The following DEAF1 variants were observed in gnomAD, a reference collection of about 807,000 sequenced individuals.
DEAF1 encodes the protein deformed epidermal autoregulatory factor 1 homolog.
DEAF1 carries 53 observed loss-of-function variants against 58.9 expected under a neutral mutation model. The ratio of observed to expected loss-of-function variants is 0.90; its 90% CI spans 0.72 to 1.13. DEAF1 has a LOEUF of 1.13. DEAF1 is among the 50% of genes most tolerant of loss of function. DEAF1 has a pLI of 0.00. For synonymous variants in DEAF1, 385 were observed against 340.4 expected (o/e 1.13, Z -1.44); for missense variants, 685 against 791.4 (o/e 0.87, Z 1.61).
intron 10 of DEAF1, among the ~76,000 whole-genome samples, chr11:656,340 G>A (rs1859054453): frequency 6.6e-6 from 1 of 151,772 alleles, no homozygotes; most frequent in Non-Finnish European, 1.5e-5. Flanking sequence ...ATTTTTAGTA[G>A]AGACGGGGTT....
chr11:679,137 G>A (rs961296068), intron 8 of DEAF1, among the ~76,000 whole-genome samples: 2 of 151,908 alleles, frequency 1.3e-5, no homozygotes, highest in Admixed American at 6.6e-5. Flanking sequence ...ATGGTGAAAC[G>A]CTGTCTCTAC....
chr11:705,840 C>G (rs1029399288), intron 1 of DEAF1, among the ~76,000 whole-genome samples: 6 of 152,218 alleles, frequency 3.9e-5, no homozygotes, highest in African/African-American at 1.2e-4. Context: ...TCCCCCGTCC[C>G]CCGGCCTGCT....
At chr11:691,635 A>T in intron 1 of DEAF1, 37 bp from the exon 2 acceptor site, 1 of 1,597,936 alleles carries the variant, frequency 6.3e-7, no homozygotes, top group East Asian at 2.2e-5. Flanking sequence ...AAGCAACAAA[A>T]GCCAGAATGG....
intron 9 of DEAF1, among the ~76,000 whole-genome samples, 187 bp from the exon 10 acceptor site, chr11:674,970 G>A (rs942992363): frequency 3.3e-5 from 5 of 151,928 alleles, no homozygotes; most frequent in Admixed American, 6.6e-5. Flanking sequence ...GTGAAACCCC[G>A]CGTTTCACTG....
At chr11:666,229 A>G (rs989656907) in intron 10 of DEAF1, 1 of 152,234 alleles carries the variant, frequency 6.6e-6, no homozygotes, top group Non-Finnish European at 1.5e-5. Context: ...GGTGATCCAT[A>G]AGAATTCAGC....
In DEAF1 at chr11:682,164, G is replaced by A. The variant is rs372102684; in HGVS notation, c.871-1075C>T. ...AATCACCTTTGGTGGTGGGAGTTTT[G>A]GCTGTCGCTCTTCCTGATCTCTGTT... is the stretch of plus-strand genomic sequence containing the variant. On this transcript the variant is annotated intron_variant, in intron 6 of 11. Coordinates refer to ENST00000382409, the MANE Select transcript of DEAF1 (RefSeq NM_021008.4). Among the ~76,000 whole-genome samples the A allele has an allele frequency of 5.2e-4, 79 of 152,256 alleles. 1 individual carries two copies. In the South Asian group the frequency reaches 0.016, roughly 32 times the overall value.
In DEAF1 at chr11:681,021, G is replaced by T. The variant is rs377002477; in HGVS notation, c.939C>A (p.Pro313=). Residue 313 remains proline, a synonymous_variant, in exon 7 of 12, where the codon CCC becomes CCA. Coordinates refer to ENST00000382409, the MANE Select transcript of DEAF1 (RefSeq NM_021008.4). ...RKKENELPTT[P]VKKDSPKNIT... ...TGTTCTTGGGGGAGTCCTTCTTCAC[G>T]GGAGTTGTGGGCAGTTCATTCTCCT... 6.2e-7 allele frequency: 1 copy of T among 1,614,016 alleles called. No individual in the cohort carries two copies. The highest frequency in any genetic ancestry group is 8.5e-7 in the Non-Finnish European group (1 of 1,180,028).
At chr11:678,950 CCT>C in intron 8 of DEAF1, 128 bp from the exon 9 acceptor site, 1 of 1,244,714 alleles carries the variant, frequency 8.0e-7, no homozygotes, top group Non-Finnish European at 1.1e-6. Context: ...CTACTGAGCC[CCT>C]GAAATGTGGT....
intron 1 of DEAF1, chr11:704,520 A>T: frequency 7.8e-7 from 1 of 1,289,356 alleles, no homozygotes; most frequent in Non-Finnish European, 1.0e-6. Context: ...CACCTCCCTC[A>T]CCAGCGCCTG....
chr11:694,869 G>C lies in DEAF1; in HGVS notation c.179C>G (p.Thr60Arg). ...EDADSEAERE[T>R]PRVTAVAVMA... is the part of the protein sequence containing the mutation. Reference sequence around the variant, plus strand: ...CACCGCCACTGCCGTGACCCGCGGCGTCTCCCGCTCCGCCTCCGAGTCTGC... The same window carrying C: ...CACCGCCACTGCCGTGACCCGCGGCCTCTCCCGCTCCGCCTCCGAGTCTGC... Residue 60 changes from threonine to arginine, a missense_variant, in exon 1 of 12, where the codon ACG becomes AGG. By Grantham distance (71) the Thr-to-Arg change is moderately conservative (BLOSUM62 -1). Around this residue, in one of 3 missense-constraint regions of DEAF1, gnomAD observed 210 missense variants for 177.3 expected, o/e 1.18. Coordinates refer to ENST00000382409, the MANE Select transcript of DEAF1 (RefSeq NM_021008.4). The C allele has an allele frequency of 2.7e-6, 4 of 1,500,726 alleles. No homozygotes were observed. Among genetic ancestry groups the C allele is most frequent in the East Asian group, 2.8e-5 (1 of 35,682 alleles). 93.0% of individuals were successfully genotyped at this position (1,500,726 alleles called of 1,614,324 possible). A position where few individuals can be genotyped will look rare whatever the true frequency, so the allele number is the denominator to read the frequency against.
chr11:700,987 A>G (rs976602056), intron 1 of DEAF1: 86 of 415,596 alleles, frequency 2.1e-4, no homozygotes, highest in South Asian at 2.0e-3. Context: ...AGATCAGAAA[A>G]GCCCAGCCCA....
In DEAF1 at chr11:687,938, T is replaced by A; in HGVS notation, c.637A>T (p.Thr213Ser). Residue 213 changes from threonine (T) to serine (S), a missense_variant, in exon 4 of 12, where the codon ACT becomes TCT. Transcript: ENST00000382409. ...GAGCCGAGCCTGTTCTTGTACAGAG[T>A]GCCGCTGATGTTCCGGCACCGTACG... ...LPVRCRNISG[T>S]LYKNRLGSGG... 6.2e-7 allele frequency: 1 copy of A among 1,613,998 alleles called. No homozygotes were observed. The highest frequency in any genetic ancestry group is 8.5e-7 in the Non-Finnish European group (1 of 1,179,986).
At chr11:651,917 A>G (rs978173099) in intron 11 of DEAF1, among the ~76,000 whole-genome samples, 1 of 152,218 alleles carries the variant, frequency 6.6e-6, no homozygotes, top group South Asian at 2.1e-4. Context: ...ATAATTCAAC[A>G]GTAATAGCTG....
At chr11:650,676 GGC>G (rs922675977) in intron 11 of DEAF1, among the ~76,000 whole-genome samples, 1 of 151,944 alleles carries the variant, frequency 6.6e-6, no homozygotes, top group Non-Finnish European at 1.5e-5. Flanking sequence ...ATGCAGGCTG[GGC>G]GCAGTGACTC....
At chr11:681,383 C>CA (rs55682582) in intron 6 of DEAF1, among the ~76,000 whole-genome samples, 27,072 of 151,016 alleles carry the variant, frequency 0.18, 3,067 homozygotes, top group African/African-American at 0.33. Context: ...AGGCATGTGT[C>CA]ACCACACCCG....
upstream of DEAF1, chr11:699,124 C>G (rs891263839): frequency 1.2e-5 from 6 of 511,198 alleles, no homozygotes; most frequent in East Asian, 1.8e-4. Context: ...GCCACACTGC[C>G]GGCTCCCAAG....
At position 651,841 on chromosome 11, in the gene DEAF1, G is replaced by A. The variant is rs549183983; in HGVS notation, c.1593+2121C>T. Among the ~76,000 whole-genome samples, 143 of 152,342 alleles carry A rather than the reference G, an allele frequency of 9.4e-4. 1 individual carries two copies. Among genetic ancestry groups the A allele is most frequent in the African/African-American group, 3.2e-3 (135 of 41,564 alleles). On this transcript the variant is annotated intron_variant, in intron 11 of 11. Coordinates refer to ENST00000382409, the MANE Select transcript of DEAF1 (RefSeq NM_021008.4). ...GCGGAGCTTGCGGTGAGCTGAGATGGCGCCACTACACTCCAGCCTGGGCGA... is the reference window on the plus strand; with the variant it reads ...GCGGAGCTTGCGGTGAGCTGAGATGACGCCACTACACTCCAGCCTGGGCGA...
rs1860677940 is a variant in DEAF1, at chr11:688,135, C to G, written c.518-78G>C. 6.3e-6 allele frequency: 10 copies of G among 1,595,318 alleles called. No homozygotes were observed. Among genetic ancestry groups the G allele is most frequent in the African/African-American group, 1.3e-5 (1 of 74,654 alleles). ...TACACTCTCATCTCAGACACCACCT[C>G]CCCGGCAGCGCCACCTCCTTCAACG... is the stretch of plus-strand genomic sequence containing the variant. On this transcript the variant is annotated intron_variant, in intron 3 of 11. Coordinates refer to ENST00000382409, the MANE Select transcript of DEAF1 (RefSeq NM_021008.4). The surrounding 1 kb of genome is among the most constrained non-coding windows in gnomAD (Gnocchi z 4.3).
chr11:700,483 C>T (rs1026341500), intron 1 of DEAF1: 25 of 806,610 alleles, frequency 3.1e-5, no homozygotes, highest in South Asian at 4.5e-5. Flanking sequence ...GCCAAGATTG[C>T]GCCACTGAAC....
Sources: gnomAD v4.1 joint callset for allele counts (sites outside exome capture counted in the v4.1 genomes callset) on GRCh38, gnomAD v4.1.1 for gene constraint, gnomAD v4.1.1 regional missense constraint, Gnocchi (gnomAD v3.1) non-coding constraint, MANE v1.5 for transcripts, NCBI Gene and HGNC (gene_info 2026-07-23, HGNC 2026-07-21) for gene names.